Variants in VPS54 observed in about 807,000 individuals in gnomAD.
The protein encoded by VPS54 is vacuolar protein sorting-associated protein 54.
Under a neutral mutation model 121.5 loss-of-function variants are expected in VPS54, and 45 were observed. The observed-to-expected ratio is 0.37, with a 90% CI of 0.29 to 0.47. The LOEUF is 0.47. Among genes scored for constraint, VPS54 ranks in the 20% least tolerant of loss-of-function variants. The probability of loss-of-function intolerance (pLI) is 0.99; values close to 1 mark genes in which losing one functional copy is unlikely to be tolerated. For missense variants in VPS54, 1,090 were observed against 1,131.4 expected, an observed-to-expected ratio of 0.96 and a Z score of 0.52; for synonymous variants, 371 against 385.8, an observed-to-expected ratio of 0.96 and a Z score of 0.45.
At chr2:64,012,618 C>CT (rs764120905) in intron 1 of VPS54, among the ~76,000 whole-genome samples, 2 of 151,774 alleles carry the variant, frequency 1.3e-5, no homozygotes, top group Non-Finnish European at 2.9e-5. Flanking sequence ...GATCTTACCT[C>CT]TTCCTGCTTC....
At chr2:64,008,024 A>C (rs993942705) in intron 1 of VPS54, among the ~76,000 whole-genome samples, 2 of 152,136 alleles carry the variant, frequency 1.3e-5, no homozygotes, top group African/African-American at 2.4e-5. Context: ...AAAAAAAAAA[A>C]AAGAACAAGA....
chr2:63,938,050 GGTGTGTGTGGTGT>G (rs1233523433), intron 11 of VPS54, among the ~76,000 whole-genome samples: 1 of 134,204 alleles, frequency 7.5e-6, no homozygotes, highest in South Asian at 2.4e-4. Flanking sequence ...GTGTGTGTGT[GGTGTGTGTGGTGT>G]GTGTGTGTGT....
At chr2:63,988,034 G>C (rs780772010) in intron 1 of VPS54, among the ~76,000 whole-genome samples, 3 of 152,056 alleles carry the variant, frequency 2.0e-5, no homozygotes, top group African/African-American at 4.8e-5. Context: ...TGACTGCTCC[G>C]GCTAGGACTT....
At chr2:64,000,070 C>T (rs950293631) in intron 1 of VPS54, among the ~76,000 whole-genome samples, 16 of 151,936 alleles carry the variant, frequency 1.1e-4, no homozygotes, top group South Asian at 2.1e-4. Context: ...CCATGTTGGC[C>T]GGGCTGGTCT....
chr2:63,951,425 A>G (rs1675238116), intron 7 of VPS54, among the ~76,000 whole-genome samples: 1 of 152,104 alleles, frequency 6.6e-6, no homozygotes, highest in Non-Finnish European at 1.5e-5. Flanking sequence ...CAAAAACTAT[A>G]AGAGATCACC....
chr2:63,993,636 G>C (rs141047606), intron 1 of VPS54, among the ~76,000 whole-genome samples: 1 of 152,120 alleles, frequency 6.6e-6, no homozygotes, highest in African/African-American at 2.4e-5. Flanking sequence ...CCTTTAAATC[G>C]GCTCGAAGTT....
Position 63,914,372 on chromosome 2 carries a change from T to C in VPS54, c.2229-85A>G. The C allele has an allele frequency of 5.8e-6, 5 of 866,388 alleles. No homozygotes were observed. In the South Asian group the frequency reaches 6.1e-5, roughly 11 times the overall value. The allele number at this position is 866,388 out of a possible 1,614,324, so 53.7% of individuals were successfully genotyped here. On this transcript the variant is annotated intron_variant, in intron 16 of 22. Transcript: ENST00000272322. ...GGCATATAAAAATCAAATTACTTAA[T>C]GGCACAAAGGATCTCTGAGAATATA...
At chr2:63,953,141 T>A (rs1314599925) in intron 7 of VPS54, among the ~76,000 whole-genome samples, 2 of 148,176 alleles carry the variant, frequency 1.3e-5, no homozygotes, top group Admixed American at 6.7e-5. Flanking sequence ...TTTTTTTTTT[T>A]TTTTTTTTTA....
At chr2:63,981,549 T>C in intron 3 of VPS54, 97 bp downstream of exon 3, 1 of 1,339,456 alleles carries the variant, frequency 7.5e-7, no homozygotes, top group Non-Finnish European at 1.0e-6. Flanking sequence ...TACTATAGGT[T>C]CATCAAACAT....
In VPS54 at chr2:63,946,396, C is replaced by A. The variant is rs189035218; in HGVS notation, c.1245+987G>T. 1.4e-4 allele frequency among the ~76,000 whole-genome samples: 22 copies of A among 152,046 alleles called. No individual in the cohort carries two copies. In the East Asian group the frequency reaches 4.2e-3, roughly 29 times the overall value. Reference sequence around the variant, plus strand: ...TATACATATTTCTGTTGGGTGCATACCTAGGAATAGAAATGCTGGGTCACA... The same window carrying A: ...TATACATATTTCTGTTGGGTGCATAACTAGGAATAGAAATGCTGGGTCACA... On this transcript the variant is annotated intron_variant, in intron 9 of 22. Coordinates refer to ENST00000272322, the MANE Select transcript of VPS54 (RefSeq NM_016516.3).
intron 2 of VPS54, 81 bp downstream of exon 2, chr2:63,983,783 C>A (rs190718822): frequency 1.4e-6 from 2 of 1,471,610 alleles, no homozygotes; most frequent in African/African-American, 1.4e-5. Context: ...ACTCTTCTAA[C>A]GTTGGTATAT....
Position 63,944,669 on chromosome 2 carries a change from GA to G in VPS54, c.1246-15del. 6.3e-7 allele frequency: 1 copy of G among 1,592,220 alleles called. No individual in the cohort carries two copies. Among genetic ancestry groups the G allele is most frequent in the Non-Finnish European group, 8.6e-7 (1 of 1,169,500 alleles). ...ATTAATCACACACTGCAAAATTTAA[GA>G]AAAAACAAAAACAATTTGATTAATT... On this transcript the variant is annotated splice_polypyrimidine_tract_variant and intron_variant, in intron 9 of 22. Transcript: ENST00000272322.
intron 10 of VPS54, among the ~76,000 whole-genome samples, chr2:63,943,107 A>G (rs1245147664): frequency 6.6e-6 from 1 of 152,216 alleles, no homozygotes; most frequent in African/African-American, 2.4e-5. Context: ...TGGTTGTTGT[A>G]AATATTATAT....
Position 63,994,001 on chromosome 2 carries a change from T to C in VPS54, c.-20-9982A>G, listed in dbSNP as rs963365773. Among the ~76,000 whole-genome samples the C allele has an allele frequency of 2.6e-5, 4 of 152,288 alleles. No individual in the cohort carries two copies. The East Asian group carries it at 7.7e-4, about 29-fold the overall frequency. ...TAACGTGGGAAAGAGAATATGCTTGTGTGTCACCAGGAGATCATCAAAGGA... is the reference window on the plus strand; with the variant it reads ...TAACGTGGGAAAGAGAATATGCTTGCGTGTCACCAGGAGATCATCAAAGGA... On this transcript the variant is annotated intron_variant, in intron 1 of 22. Transcript: ENST00000272322.
At position 63,962,108 on chromosome 2, in the gene VPS54, T is replaced by G; in HGVS notation, c.960A>C (p.Ala320=). ...CCTGCTGTAGAACCTCTTGTGTTGT[T>G]GCTATTAAGTCCAATGCTCCAACAA... ...SEFVGALDLI[A]TTQEVLQQEL... is the part of the protein sequence containing the mutation. The change falls in exon 7 of 23, where the codon GCA becomes GCC. Residue 320 remains alanine (A), a synonymous_variant. Transcript: ENST00000272322. The G allele has an allele frequency of 6.2e-7, 1 of 1,600,062 alleles. No homozygotes were observed. Among genetic ancestry groups the G allele is most frequent in the Non-Finnish European group, 8.6e-7 (1 of 1,168,198 alleles).
At chr2:63,938,866 T>C (rs141094386) in intron 11 of VPS54, among the ~76,000 whole-genome samples, 1 of 152,328 alleles carries the variant, frequency 6.6e-6, no homozygotes, top group East Asian at 1.9e-4. Context: ...CAAATGAACT[T>C]AATGCCACTG....
At chr2:63,961,350 G>A (rs1427295748) in intron 7 of VPS54, among the ~76,000 whole-genome samples, 1 of 152,052 alleles carries the variant, frequency 6.6e-6, no homozygotes, top group African/African-American at 2.4e-5. Context: ...GTATTTTGAA[G>A]CTAACTTTTC....
intron 7 of VPS54, among the ~76,000 whole-genome samples, chr2:63,952,616 A>T (rs903474873): frequency 1.3e-5 from 2 of 152,192 alleles, no homozygotes; most frequent in East Asian, 3.8e-4. Flanking sequence ...AGGAGTAGTG[A>T]TAATTATGAA....
chr2:63,911,395 A>G (rs1460691472), intron 20 of VPS54, among the ~76,000 whole-genome samples: 2 of 152,196 alleles, frequency 1.3e-5, no homozygotes, highest in Non-Finnish European at 2.9e-5. Context: ...CCAGAGGTGT[A>G]GTGTAGTCTG....
Sources: gnomAD v4.1 joint callset for allele counts (sites outside exome capture counted in the v4.1 genomes callset) on GRCh38, gnomAD v4.1.1 for gene constraint, MANE v1.5 for transcripts, NCBI Gene and HGNC (gene_info 2026-07-23, HGNC 2026-07-21) for gene names.